Variants in AUTS2 observed in about 807,000 individuals in gnomAD.
AUTS2 encodes activator of transcription and developmental regulator AUTS2, also known as autism susceptibility gene 2 protein.
In AUTS2, 17 loss-of-function variants were observed where a neutral mutation model predicts 112.4. The observed-to-expected ratio is 0.15, with a 90% confidence interval of 0.10 to 0.23. AUTS2 has a LOEUF of 0.23. Among genes scored for constraint, AUTS2 ranks in the 10% least tolerant of loss-of-function variants. The pLI is 1.00. For synonymous variants in AUTS2, 751 were observed against 702.7 expected (o/e 1.07, Z -1.09); for missense variants, 1,510 against 1,701.6 (o/e 0.89, Z 1.98).
At position 69,669,736 on chromosome 7, in the gene AUTS2, T is replaced by A. The variant is rs551559967; in HGVS notation, c.309+69774T>A. ...AAGAAAATTGAAAACAATTTCACTT[T>A]TTTTTTCCTTTTATGAAGCATGTGT... On this transcript the variant is annotated intron_variant, in intron 1 of 18. Coordinates refer to ENST00000342771, the MANE Select transcript of AUTS2 (RefSeq NM_015570.4). Among the ~76,000 whole-genome samples the A allele has an allele frequency of 3.3e-5, 5 of 152,248 alleles. No individual in the cohort carries two copies. The East Asian group carries it at 9.6e-4, about 29-fold the overall frequency.
chr7:70,339,158 C>T (rs1459225577), intron 4 of AUTS2, among the ~76,000 whole-genome samples: 11 of 152,160 alleles, frequency 7.2e-5, no homozygotes, highest in East Asian at 5.8e-4. Flanking sequence ...CCACCGCGCC[C>T]GGCCTGGCCT....
At chr7:70,058,021 G>A (rs558431883) in intron 2 of AUTS2, among the ~76,000 whole-genome samples, 37 of 152,296 alleles carry the variant, frequency 2.4e-4, no homozygotes, top group African/African-American at 8.9e-4. Flanking sequence ...TGAAAAGACA[G>A]TCATGGGAAT....
intron 6 of AUTS2, among the ~76,000 whole-genome samples, chr7:70,711,632 T>C (rs1341749152): frequency 2.0e-5 from 3 of 152,098 alleles, no homozygotes; most frequent in Admixed American, 1.3e-4. Flanking sequence ...CTTTGAACAG[T>C]GGGTTGTGCT....
At chr7:69,867,678 A>G (rs1280450981) in intron 1 of AUTS2, among the ~76,000 whole-genome samples, 1 of 151,920 alleles carries the variant, frequency 6.6e-6, no homozygotes, top group Non-Finnish European at 1.5e-5. Context: ...GTTTTTCCTT[A>G]TTTTTGTTCA....
intron 5 of AUTS2, among the ~76,000 whole-genome samples, chr7:70,637,615 T>C (rs1805596539): frequency 6.6e-6 from 1 of 152,200 alleles, no homozygotes; most frequent in African/African-American, 2.4e-5. Flanking sequence ...AACCCCTTTT[T>C]GTGAGGCCTC....
intron 4 of AUTS2, among the ~76,000 whole-genome samples, chr7:70,135,010 T>C (rs1416659663): frequency 6.6e-6 from 1 of 152,182 alleles, no homozygotes; most frequent in Non-Finnish European, 1.5e-5. Context: ...GGAATGGAGA[T>C]GGTATTTTTT....
At chr7:70,579,243 C>CAAAAAAAAAAAAAAAAA (rs1802316888) in intron 5 of AUTS2, among the ~76,000 whole-genome samples, 1 of 7,916 alleles carries the variant, frequency 1.3e-4, no homozygotes, top group African/African-American at 4.1e-4. Context: ...ATTCTCTTTT[C>CAAAAAAAAAAAAAAAAA]TAAAAAAAAA....
intron 2 of AUTS2, among the ~76,000 whole-genome samples, chr7:70,067,152 T>C (rs1802535308): frequency 6.6e-6 from 1 of 152,184 alleles, no homozygotes; most frequent in Admixed American, 6.5e-5. Context: ...GCATTTTGGA[T>C]TACAGCCTTT....
chr7:69,710,582 G>A (rs146262921), intron 1 of AUTS2, among the ~76,000 whole-genome samples: 186 of 152,312 alleles, frequency 1.2e-3, no homozygotes, highest in African/African-American at 4.2e-3. Flanking sequence ...AATGTGACTC[G>A]TGTCCTCACA....
chr7:70,380,472 CT>C lies in AUTS2; in HGVS notation c.661-55277del, dbSNP rs377666914. The stretch of plus-strand genomic sequence containing the variant: ...GACAGTAACCGCAAAAGCAGTCCCC[CT>C]TTCCGCTGGCAGAGCCAGGACCACG... On this transcript the variant is annotated intron_variant, in intron 4 of 18. Coordinates refer to ENST00000342771, the MANE Select transcript of AUTS2 (RefSeq NM_015570.4). 6.1e-4 allele frequency among the ~76,000 whole-genome samples: 93 copies of C among 152,330 alleles called. No homozygotes were observed. In the East Asian group the frequency reaches 0.016, roughly 27 times the overall value.
chr7:70,259,426 A>G (rs1174121603), intron 4 of AUTS2, among the ~76,000 whole-genome samples: 2 of 152,136 alleles, frequency 1.3e-5, no homozygotes, highest in Non-Finnish European at 2.9e-5. Context: ...CTAAACTGAC[A>G]ATCAGTTCAT....
intron 1 of AUTS2, among the ~76,000 whole-genome samples, chr7:69,740,030 G>A (rs1376574859): frequency 2.6e-5 from 4 of 152,144 alleles, no homozygotes; most frequent in African/African-American, 4.8e-5. Context: ...ATCTTTAGTG[G>A]GCCAATGACG....
chr7:69,771,046 G>A lies in AUTS2; in HGVS notation c.310-128240G>A, dbSNP rs572631710. Among the ~76,000 whole-genome samples, 31 of 152,264 alleles carry A rather than the reference G, an allele frequency of 2.0e-4. No individual in the cohort carries two copies. The South Asian group carries it at 5.4e-3, about 26-fold the overall frequency. ...AAAGAAACTGTGTGTTTGCAGTGTT[G>A]GAGAACCATGGAGGAGGATTCAGAA... On this transcript the variant is annotated intron_variant, in intron 1 of 18. Transcript: ENST00000342771.
chr7:70,521,393 G>A (rs914485348), intron 5 of AUTS2, among the ~76,000 whole-genome samples: 1 of 152,130 alleles, frequency 6.6e-6, no homozygotes, highest in African/African-American at 2.4e-5. Context: ...CCTCATGGTG[G>A]GCAGTGGGAT....
chr7:69,996,721 C>T (rs1798957230), intron 2 of AUTS2, among the ~76,000 whole-genome samples: 1 of 152,028 alleles, frequency 6.6e-6, no homozygotes, highest in Non-Finnish European at 1.5e-5. Context: ...CTTCAAAGTG[C>T]CTGTTGTAGT....
chr7:69,901,655 G>T (rs1203837526), intron 2 of AUTS2, among the ~76,000 whole-genome samples: 2 of 152,240 alleles, frequency 1.3e-5, no homozygotes, highest in East Asian at 1.9e-4. Context: ...AGCATGAATT[G>T]TATCTTTGGC....
At chr7:70,313,555 T>C (rs1789854128) in intron 4 of AUTS2, among the ~76,000 whole-genome samples, 3 of 152,222 alleles carry the variant, frequency 2.0e-5, no homozygotes, top group Admixed American at 2.0e-4. Context: ...CTGGAGGGGA[T>C]GCTGACATTG....
At chr7:70,127,160 A>G (rs775789962) in intron 3 of AUTS2, among the ~76,000 whole-genome samples, 2 of 151,670 alleles carry the variant, frequency 1.3e-5, no homozygotes, top group Non-Finnish European at 2.9e-5. Flanking sequence ...ACCTTTGCTT[A>G]TTCTTTTTAT....
At chr7:70,603,145 C>T (rs1803560053) in intron 5 of AUTS2, among the ~76,000 whole-genome samples, 1 of 152,318 alleles carries the variant, frequency 6.6e-6, no homozygotes, top group East Asian at 1.9e-4. Flanking sequence ...TAAATGCCCT[C>T]TAGAGTCATA....
Sources: allele counts gnomAD v4.1 joint callset (sites outside exome capture counted in the v4.1 genomes callset), GRCh38; gene constraint gnomAD v4.1.1; transcripts MANE v1.5; gene names NCBI Gene and HGNC (gene_info 2026-07-23, HGNC 2026-07-21).